The following ZBTB1 variants were observed in gnomAD, a reference collection of about 807,000 sequenced individuals.
ZBTB1 encodes the protein zinc finger and BTB domain containing 1, also known as zinc finger and BTB domain-containing protein 1.
ZBTB1 carries 13 observed loss-of-function variants against 51.6 expected under a neutral mutation model. That is an observed-to-expected ratio of 0.25 (90% CI 0.16 to 0.40). The LOEUF (loss-of-function observed/expected upper bound fraction) is 0.40, where lower values mean the gene tolerates loss of function less well. Among genes scored for constraint, ZBTB1 ranks in the 10% least tolerant of loss-of-function variants. The pLI is 1.00. For missense variants in ZBTB1, 567 were observed against 856.5 expected (o/e 0.66, Z 4.22); for synonymous variants, 240 against 282.2 (o/e 0.85, Z 1.50).
chr14:64,532,050 C>G (rs2140195046), exon 3 of ZBTB1: 1 of 807,550 alleles, frequency 1.2e-6, no homozygotes, highest in Middle Eastern at 2.3e-4. Context: ...TTGCAAAGAT[C>G]CAAGAAAACT....
chr14:64,532,807 G>GT (rs2079952188), exon 3 of ZBTB1: 1 of 151,986 alleles, frequency 6.6e-6, no homozygotes. Context: ...TAATGGAGAA[G>GT]TTAAATATTT....
At chr14:64,516,368 A>C (rs1392982730) in intron 1 of ZBTB1, among the ~76,000 whole-genome samples, 2 of 152,256 alleles carry the variant, frequency 1.3e-5, no homozygotes, top group Non-Finnish European at 2.9e-5. Context: ...ACTGTGCCTA[A>C]AATCAGTTTT....
In ZBTB1 at chr14:64,523,714, T is replaced by C; in HGVS notation, c.*68T>C. ...ACACCAAAGCAAAGGATATGAGCTATTTAGGAATTGATTATATAAGATGAT... is the reference window on the plus strand; with the variant it reads ...ACACCAAAGCAAAGGATATGAGCTACTTAGGAATTGATTATATAAGATGAT... On this transcript the variant is annotated 3_prime_UTR_variant, in exon 2 of 2. Coordinates refer to ENST00000683701, the MANE Select transcript of ZBTB1 (RefSeq NM_001123329.2). The surrounding 1 kb of genome is among the most constrained non-coding windows in gnomAD (Gnocchi z 4.5). The C allele has an allele frequency of 6.9e-7, 1 of 1,443,204 alleles. No homozygotes were observed. The highest frequency in any genetic ancestry group is 9.1e-7 in the Non-Finnish European group (1 of 1,097,122). The allele number at this position is 1,443,204 out of a possible 1,614,324, so 89.4% of individuals were successfully genotyped here. A position where few individuals can be genotyped will look rare whatever the true frequency, so the allele number is the denominator to read the frequency against.
chr14:64,524,315 TATTAA>T lies in ZBTB1; in HGVS notation c.*670_*674del, dbSNP rs1470909002. 3 of 942,208 alleles carry T rather than the reference TATTAA, an allele frequency of 3.2e-6. No homozygotes were observed. The African/African-American group carries it at 5.3e-5, about 17-fold the overall frequency. 58.4% of individuals were successfully genotyped at this position (942,208 alleles called of 1,614,324 possible). A position where few individuals can be genotyped will look rare whatever the true frequency, so the allele number is the denominator to read the frequency against. On this transcript the variant is annotated 3_prime_UTR_variant, in exon 2 of 2. Transcript: ENST00000683701. ...ATTTAATTATCACATTTAAAACTTA[TATTAA>T]GTGTAAATTCCAGTGGCTTTACCTC...
chr14:64,527,088 G>A (rs2079908874), downstream of ZBTB1, among the ~76,000 whole-genome samples: 1 of 151,820 alleles, frequency 6.6e-6, no homozygotes, highest in South Asian at 2.1e-4. Context: ...AATGGTATAT[G>A]GCAAACTAAC....
intron 1 of ZBTB1, among the ~76,000 whole-genome samples, chr14:64,517,785 T>TTG (rs1566632937): frequency 1.2e-3 from 111 of 90,788 alleles, no homozygotes; most frequent in Non-Finnish European, 2.0e-3. Context: ...ATATATATTT[T>TTG]TTTTTTTTTT....
intron 1 of ZBTB1, among the ~76,000 whole-genome samples, chr14:64,514,902 C>T (rs1412758070): frequency 2.0e-5 from 3 of 152,142 alleles, no homozygotes; most frequent in African/African-American, 7.2e-5. Flanking sequence ...TAACTATACC[C>T]TGATACATTA....
chr14:64,515,492 A>C (rs2079771117), intron 1 of ZBTB1, among the ~76,000 whole-genome samples: 1 of 151,874 alleles, frequency 6.6e-6, no homozygotes, highest in Admixed American at 6.6e-5. Context: ...GAGTGAAATT[A>C]TAATTTAATG....
chr14:64,522,550 A>AT lies in ZBTB1; in HGVS notation c.1047dup (p.Lys350Ter). 6.2e-7 allele frequency: 1 copy of AT among 1,614,022 alleles called. No homozygotes were observed. Among genetic ancestry groups the AT allele is most frequent in the Non-Finnish European group, 8.5e-7 (1 of 1,179,980 alleles). On this transcript the variant is annotated frameshift_variant, in exon 2 of 2. Coordinates refer to ENST00000683701, the MANE Select transcript of ZBTB1 (RefSeq NM_001123329.2). LOFTEE classifies it high-confidence loss of function. ...GACTTTAACATTATTAAAGTTACTG[A>AT]TAAAGACTGTAATGAATCCACTGAC...
chr14:64,530,827 C>T (rs371615269), intron 2 of ZBTB1, among the ~76,000 whole-genome samples: 1 of 152,088 alleles, frequency 6.6e-6, no homozygotes, highest in East Asian at 1.9e-4. Flanking sequence ...TATAATTTCT[C>T]ATTATCCATC....
At chr14:64,521,091 G>A (rs1036461668) in intron 1 of ZBTB1, among the ~76,000 whole-genome samples, 11 of 152,084 alleles carry the variant, frequency 7.2e-5, no homozygotes, top group East Asian at 3.9e-4. Context: ...TCAAACTCCC[G>A]AGCTCAAGCA....
chr14:64,506,827 G>C lies in ZBTB1; in HGVS notation c.-19+1881G>C, dbSNP rs560264888. On this transcript the variant is annotated intron_variant, in intron 1 of 1. Coordinates refer to ENST00000683701, the MANE Select transcript of ZBTB1 (RefSeq NM_001123329.2). ...ACTGGTGTATCATTGTCAGAGAAAA[G>C]AGAAACCATATTTAACCAGGGCCTT... 3.9e-5 allele frequency among the ~76,000 whole-genome samples: 6 copies of C among 152,292 alleles called. No individual in the cohort carries two copies. In the East Asian group the frequency reaches 1.2e-3, roughly 29 times the overall value.
chr14:64,529,640 G>T (rs146928532), downstream of ZBTB1, among the ~76,000 whole-genome samples: 472 of 152,150 alleles, frequency 3.1e-3, 4 homozygotes, highest in Non-Finnish European at 3.9e-3. Flanking sequence ...GCATGGTGGT[G>T]CATGCCTGTA....
Position 64,515,795 on chromosome 14 carries a change from A to G in ZBTB1, c.-18-5692A>G, listed in dbSNP as rs565532846. 2.6e-5 allele frequency among the ~76,000 whole-genome samples: 4 copies of G among 152,340 alleles called. 1 individual carries two copies. In the South Asian group the frequency reaches 8.3e-4, roughly 32 times the overall value. On this transcript the variant is annotated intron_variant, in intron 1 of 1. Coordinates refer to ENST00000683701, the MANE Select transcript of ZBTB1 (RefSeq NM_001123329.2). Reference sequence around the variant, plus strand: ...CCGCCTCCCAAAGTGCTGGGATTACAGGCGTGAGCCACGGTGCCCGGCCTC... The same window carrying G: ...CCGCCTCCCAAAGTGCTGGGATTACGGGCGTGAGCCACGGTGCCCGGCCTC...
chr14:64,513,981 T>A (rs1050466785), intron 1 of ZBTB1, among the ~76,000 whole-genome samples: 2 of 152,208 alleles, frequency 1.3e-5, no homozygotes, highest in Non-Finnish European at 2.9e-5. Flanking sequence ...ATTAAACTCC[T>A]CAAATTGTTT....
rs201252747 is a variant in ZBTB1 at position 64,520,858 on chromosome 14, TTTTC to T, written c.-18-625_-18-622del. On this transcript the variant is annotated intron_variant, in intron 1 of 1. Transcript: ENST00000683701. ...CATTACTCATATCCTTCAAGAGTTGTTTTCTTTTTTTTTTTTTCTTTTGAGACAG... is the reference window on the plus strand; with the variant it reads ...CATTACTCATATCCTTCAAGAGTTGTTTTTTTTTTTTTTCTTTTGAGACAG... Among the ~76,000 whole-genome samples, 848 of 151,494 alleles carry T rather than the reference TTTTC, an allele frequency of 5.6e-3. 12 individuals carry two copies. Among genetic ancestry groups the T allele is most frequent in the Admixed American group, 5.8e-3 (89 of 15,228 alleles).
chr14:64,513,114 A>G (rs963849809), intron 1 of ZBTB1, among the ~76,000 whole-genome samples: 4 of 151,832 alleles, frequency 2.6e-5, no homozygotes, highest in African/African-American at 9.7e-5. Flanking sequence ...ATACATACAC[A>G]TAAAATGATA....
chr14:64,521,868 T>G lies in ZBTB1; in HGVS notation c.364T>G (p.Ser122Ala), dbSNP rs2079863001. Reference protein sequence around the residue: ...CLEDIQDADCSSSKCSSSASS... With the variant: ...CLEDIQDADCASSKCSSSASS... Reference sequence around the variant, plus strand: ...AGAAGACATCCAGGATGCAGATTGTTCTAGTTCAAAATGTTCCTCTTCTGC... The same window carrying G: ...AGAAGACATCCAGGATGCAGATTGTGCTAGTTCAAAATGTTCCTCTTCTGC... The change falls in exon 2 of 2, where the codon TCT becomes GCT. Residue 122 changes from serine (S) to alanine (A), a missense_variant. This residue lies in a region of ZBTB1 where 74 missense variants were observed against 74.9 expected (regional missense o/e 0.99). Transcript: ENST00000683701. 5 of 1,613,308 alleles carry G rather than the reference T, an allele frequency of 3.1e-6. No homozygotes were observed. The South Asian group carries it at 5.5e-5, about 18-fold the overall frequency.
intron 1 of ZBTB1, among the ~76,000 whole-genome samples, chr14:64,509,517 GAGTTA>G (rs2079701030): frequency 6.6e-6 from 1 of 152,162 alleles, no homozygotes; most frequent in Non-Finnish European, 1.5e-5. Flanking sequence ...CTTAAAAATG[GAGTTA>G]AGTTTCTTAG....
Sources: allele counts gnomAD v4.1 joint callset (sites outside exome capture counted in the v4.1 genomes callset), GRCh38; gene constraint gnomAD v4.1.1; regional missense constraint gnomAD v4.1.1; non-coding constraint Gnocchi (gnomAD v3.1); transcripts MANE v1.5; gene names NCBI Gene and HGNC (gene_info 2026-07-23, HGNC 2026-07-21).